The following SEMA5A variants were observed in gnomAD, a reference collection of about 807,000 sequenced individuals.
The protein encoded by SEMA5A is semaphorin 5A, also known as semaphorin-5A.
SEMA5A carries 55 observed loss-of-function variants against 135.5 expected under a neutral mutation model. The ratio of observed to expected loss-of-function variants is 0.41; its 90% confidence interval spans 0.33 to 0.51. SEMA5A has a LOEUF of 0.51. Ranked by LOEUF, SEMA5A falls within the 20% of genes least tolerant of loss-of-function variation. SEMA5A has a pLI of 0.37. For synonymous variants in SEMA5A, 580 were observed against 546.5 expected (o/e 1.06, Z -0.85); for missense variants, 1,290 against 1,419.9 (o/e 0.91, Z 1.47).
intron 3 of SEMA5A, among the ~76,000 whole-genome samples, chr5:9,348,737 T>C (rs1049483136): frequency 6.6e-6 from 1 of 152,218 alleles, no homozygotes; most frequent in Non-Finnish European, 1.5e-5. Context: ...ACTTAGATTA[T>C]TCCAGAAGTG....
intron 5 of SEMA5A, among the ~76,000 whole-genome samples, chr5:9,258,760 T>C (rs1471735016): frequency 6.7e-6 from 1 of 149,270 alleles, no homozygotes; most frequent in Non-Finnish European, 1.5e-5. Context: ...TATTGTTAAC[T>C]ACATAATTAC....
chr5:9,054,927 AT>A (rs1736806527), intron 18 of SEMA5A, among the ~76,000 whole-genome samples: 1 of 152,340 alleles, frequency 6.6e-6, no homozygotes, highest in East Asian at 1.9e-4. Context: ...CAGATTAGAT[AT>A]TAAGGGTGCA....
chr5:9,284,051 A>T (rs1301664874), intron 5 of SEMA5A, among the ~76,000 whole-genome samples: 3 of 152,188 alleles, frequency 2.0e-5, no homozygotes, highest in Non-Finnish European at 4.4e-5. Flanking sequence ...ATAAATATCA[A>T]ATGATAGATA....
chr5:9,294,141 G>T lies in SEMA5A; in HGVS notation c.270+24231C>A, dbSNP rs979133417. Among the ~76,000 whole-genome samples, 10 of 152,276 alleles carry T rather than the reference G, an allele frequency of 6.6e-5. No homozygotes were observed. In the East Asian group the frequency reaches 1.3e-3, roughly 21 times the overall value. Reference sequence around the variant, plus strand: ...CAGCAATGGGTGATCTCCAAATCTTGTCTCCCTGTCTTTGAAATAAGACCA... The same window carrying T: ...CAGCAATGGGTGATCTCCAAATCTTTTCTCCCTGTCTTTGAAATAAGACCA... On this transcript the variant is annotated intron_variant, in intron 5 of 22. Coordinates refer to ENST00000382496, the MANE Select transcript of SEMA5A (RefSeq NM_003966.3).
intron 1 of SEMA5A, among the ~76,000 whole-genome samples, chr5:9,526,276 T>C (rs532317679): frequency 7.7e-6 from 1 of 129,548 alleles, no homozygotes; most frequent in Admixed American, 7.6e-5. Flanking sequence ...ATTAAAAACA[T>C]TTAAGTTTAA....
At chr5:9,090,379 C>T (rs1047822346) in intron 16 of SEMA5A, among the ~76,000 whole-genome samples, 2 of 152,234 alleles carry the variant, frequency 1.3e-5, no homozygotes, top group Non-Finnish European at 2.9e-5. Flanking sequence ...CCATTTCCAT[C>T]TGCTGATAGC....
At chr5:9,110,352 A>C (rs1379181881) in intron 15 of SEMA5A, among the ~76,000 whole-genome samples, 1 of 152,188 alleles carries the variant, frequency 6.6e-6, no homozygotes, top group Non-Finnish European at 1.5e-5. Context: ...ATATTTCAGT[A>C]TGGGGTCTGC....
chr5:9,380,750 A>G (rs923348497), intron 2 of SEMA5A, among the ~76,000 whole-genome samples: 1 of 152,236 alleles, frequency 6.6e-6, no homozygotes, highest in African/African-American at 2.4e-5. Context: ...ACAGGCCTGT[A>G]AAAATAACTA....
chr5:9,508,485 T>G (rs1736029150), intron 1 of SEMA5A, among the ~76,000 whole-genome samples: 1 of 152,180 alleles, frequency 6.6e-6, no homozygotes, highest in Non-Finnish European at 1.5e-5. Context: ...TTCCCATCAA[T>G]GCATACCAGT....
rs193213653 is a variant in SEMA5A, at chr5:9,284,910, C to T, written c.270+33462G>A. 8.5e-5 allele frequency among the ~76,000 whole-genome samples: 13 copies of T among 152,218 alleles called. No homozygotes were observed. In the East Asian group the frequency reaches 2.5e-3, roughly 29 times the overall value. The stretch of plus-strand genomic sequence containing the variant: ...CCGTCCTGGCAGCCAGAACCCTGCC[C>T]AAGAAAATGTGATGATAACACAGGA... On this transcript the variant is annotated intron_variant, in intron 5 of 22. Coordinates refer to ENST00000382496, the MANE Select transcript of SEMA5A (RefSeq NM_003966.3).
chr5:9,188,907 C>A (rs888487511), intron 11 of SEMA5A, among the ~76,000 whole-genome samples: 35 of 152,336 alleles, frequency 2.3e-4, no homozygotes, highest in African/African-American at 7.7e-4. Context: ...GCAGCTGGTT[C>A]CATCTGACTT....
At chr5:9,077,170 C>A (rs1369593262) in intron 16 of SEMA5A, among the ~76,000 whole-genome samples, 1 of 152,062 alleles carries the variant, frequency 6.6e-6, no homozygotes, top group African/African-American at 2.4e-5. Flanking sequence ...CCAACAAAGG[C>A]CATATAAGAG....
intron 12 of SEMA5A, among the ~76,000 whole-genome samples, chr5:9,145,803 T>TC (rs34924016): frequency 8.7e-5 from 2 of 22,886 alleles, no homozygotes; most frequent in African/African-American, 2.1e-4. Flanking sequence ...CACATCCAGC[T>TC]TTTTTTTTTT....
intron 5 of SEMA5A, among the ~76,000 whole-genome samples, chr5:9,312,386 C>T (rs1171410822): frequency 6.8e-6 from 1 of 147,950 alleles, no homozygotes; most frequent in Non-Finnish European, 1.5e-5. Context: ...TCTGAGCAAA[C>T]AGGTGCCTTA....
chr5:9,503,845 G>A (rs1735717743), intron 1 of SEMA5A, among the ~76,000 whole-genome samples: 1 of 152,166 alleles, frequency 6.6e-6, no homozygotes, highest in African/African-American at 2.4e-5. Context: ...GTCAATAAAT[G>A]TCCAGAGTAA....
chr5:9,325,879 G>A (rs1021304360), intron 4 of SEMA5A, among the ~76,000 whole-genome samples: 1 of 152,136 alleles, frequency 6.6e-6, no homozygotes, highest in Non-Finnish European at 1.5e-5. Context: ...TTACAACTGA[G>A]AAAAGAAGAA....
At chr5:9,536,765 A>C (rs528164145) in intron 1 of SEMA5A, among the ~76,000 whole-genome samples, 1 of 152,220 alleles carries the variant, frequency 6.6e-6, no homozygotes, top group African/African-American at 2.4e-5. Context: ...TTCTATTTAC[A>C]GCCTGGAAAT....
intron 11 of SEMA5A, among the ~76,000 whole-genome samples, chr5:9,181,864 C>T (rs1470064038): frequency 6.6e-6 from 1 of 151,920 alleles, no homozygotes; most frequent in Non-Finnish European, 1.5e-5. Flanking sequence ...TCTCCCCCAA[C>T]CCCCTGCCCC....
At chr5:9,109,104 G>A (rs1227885872) in intron 15 of SEMA5A, among the ~76,000 whole-genome samples, 11 of 133,640 alleles carry the variant, frequency 8.2e-5, no homozygotes, top group East Asian at 4.5e-4. Flanking sequence ...GCAGTGGCGT[G>A]ATCTCGGCTC....
Sources: allele counts gnomAD v4.1 joint callset (sites outside exome capture counted in the v4.1 genomes callset), GRCh38; gene constraint gnomAD v4.1.1; transcripts MANE v1.5; gene names NCBI Gene and HGNC (gene_info 2026-07-23, HGNC 2026-07-21).